Variants in GRIK4 observed in about 807,000 individuals in gnomAD.
GRIK4 encodes the protein glutamate ionotropic receptor kainate type subunit 4.
In GRIK4, 40 loss-of-function variants were observed where a neutral mutation model predicts 104.9. The observed-to-expected ratio is 0.38, with a 90% CI of 0.30 to 0.50. The LOEUF is 0.50. Among genes scored for constraint, GRIK4 ranks in the 20% least tolerant of loss-of-function variants. The pLI, the probability that GRIK4 is intolerant of heterozygous loss-of-function variation, is 0.93. For missense variants in GRIK4, 1,047 were observed against 1,308.1 expected (o/e 0.80, Z 3.08); for synonymous variants, 485 against 524.9 (o/e 0.92, Z 1.04).
intron 1 of GRIK4, among the ~76,000 whole-genome samples, chr11:120,532,222 C>G: frequency 6.6e-6 from 1 of 152,168 alleles, no homozygotes; most frequent in East Asian, 1.9e-4. Context: ...CCCAAAGTGA[C>G]CTGGACTCGC....
chr11:120,519,874 TTTTTTG>T (rs979857902), intron 1 of GRIK4, among the ~76,000 whole-genome samples: 12 of 104,164 alleles, frequency 1.2e-4, no homozygotes, highest in South Asian at 7.4e-4. Flanking sequence ...GGTTTTTTTT[TTTTTTG>T]TTTTTTTTTT....
intron 1 of GRIK4, among the ~76,000 whole-genome samples, chr11:120,532,625 G>A (rs1021318085): frequency 3.4e-4 from 51 of 152,186 alleles, no homozygotes; most frequent in African/African-American, 1.1e-3. Flanking sequence ...CCCCTACCCC[G>A]CAAACCTTGG....
chr11:120,603,003 A>C (rs563557488), intron 1 of GRIK4, among the ~76,000 whole-genome samples: 1 of 152,302 alleles, frequency 6.6e-6, no homozygotes, highest in Non-Finnish European at 1.5e-5. Flanking sequence ...ATACCCGGCC[A>C]GTGTCTTATT....
intron 1 of GRIK4, among the ~76,000 whole-genome samples, chr11:120,587,771 A>G (rs1948686494): frequency 6.6e-6 from 1 of 152,198 alleles, no homozygotes; most frequent in Non-Finnish European, 1.5e-5. Flanking sequence ...CTACCTGGCC[A>G]GGTACCAGTC....
At chr11:120,914,121 A>G (rs1316493639) in intron 13 of GRIK4, among the ~76,000 whole-genome samples, 7 of 152,198 alleles carry the variant, frequency 4.6e-5, no homozygotes, top group Non-Finnish European at 8.8e-5. Flanking sequence ...TTATAATTCA[A>G]CCATTCATTC....
chr11:120,905,157 C>T lies in GRIK4; in HGVS notation c.1273-133C>T, dbSNP rs1942837535. Reference sequence around the variant, plus strand: ...GGAGCTGGTCATCACCCCAAAGTAGCCCATTACCCACGTCAGTTTCCTCCT... The same window carrying T: ...GGAGCTGGTCATCACCCCAAAGTAGTCCATTACCCACGTCAGTTTCCTCCT... On this transcript the variant is annotated intron_variant, in intron 12 of 20. Coordinates refer to ENST00000527524, the MANE Select transcript of GRIK4 (RefSeq NM_014619.5). The surrounding 1 kb of genome is among the most constrained non-coding windows in gnomAD (Gnocchi z 5.1). The T allele has an allele frequency of 2.8e-6, 2 of 721,152 alleles. No individual in the cohort carries two copies. Among genetic ancestry groups the T allele is most frequent in the Non-Finnish European group, 5.0e-6 (2 of 397,514 alleles). The allele number at this position is 721,152 out of a possible 1,614,324, so 44.7% of individuals were successfully genotyped here.
At chr11:120,654,202 A>G (rs1949663888) in intron 2 of GRIK4, among the ~76,000 whole-genome samples, 1 of 152,206 alleles carries the variant, frequency 6.6e-6, no homozygotes, top group Non-Finnish European at 1.5e-5. Flanking sequence ...ATGGTTAGAC[A>G]CATACTTCAA....
intron 1 of GRIK4, among the ~76,000 whole-genome samples, chr11:120,560,249 A>G (rs905728295): frequency 2.6e-5 from 4 of 151,946 alleles, no homozygotes; most frequent in Non-Finnish European, 5.9e-5. Flanking sequence ...ATGGTGTTTC[A>G]CCATGTTGGC....
intron 14 of GRIK4, among the ~76,000 whole-genome samples, chr11:120,947,722 G>T (rs929169960): frequency 1.3e-5 from 2 of 152,192 alleles, no homozygotes; most frequent in Non-Finnish European, 1.5e-5. Flanking sequence ...AGCTCAAGGT[G>T]TGTTAACATT....
At chr11:120,782,030 G>T (rs891526337) in intron 3 of GRIK4, among the ~76,000 whole-genome samples, 2 of 152,064 alleles carry the variant, frequency 1.3e-5, no homozygotes, top group Non-Finnish European at 2.9e-5. Context: ...GATTCAGGTC[G>T]CAGCTCAGGT....
intron 3 of GRIK4, among the ~76,000 whole-genome samples, chr11:120,703,748 A>G (rs975478389): frequency 2.0e-5 from 3 of 152,066 alleles, no homozygotes; most frequent in South Asian, 2.1e-4. Flanking sequence ...GATTGTACCT[A>G]TTATTACCAT....
At chr11:120,535,171 G>A (rs1591679991) in intron 1 of GRIK4, among the ~76,000 whole-genome samples, 1 of 152,114 alleles carries the variant, frequency 6.6e-6, no homozygotes, top group Non-Finnish European at 1.5e-5. Flanking sequence ...CCACTCTTGT[G>A]AGCCTGTCTG....
At chr11:120,629,778 G>A (rs1019363010) in intron 1 of GRIK4, among the ~76,000 whole-genome samples, 3 of 152,208 alleles carry the variant, frequency 2.0e-5, no homozygotes, top group Non-Finnish European at 4.4e-5. Flanking sequence ...CATGCTGGGC[G>A]GCTGGGGAGT....
At chr11:120,613,850 G>A (rs1218683288) in intron 1 of GRIK4, among the ~76,000 whole-genome samples, 1 of 152,206 alleles carries the variant, frequency 6.6e-6, no homozygotes, top group Non-Finnish European at 1.5e-5. Context: ...GGGTGCTGAG[G>A]CATTTAAAAA....
Position 120,898,534 on chromosome 11 carries a change from C to T in GRIK4, c.1167C>T (p.Ile389=), listed in dbSNP as rs748528917. The change falls in exon 12 of 21, where the codon ATC becomes ATT. Residue 389 remains isoleucine (I), a splice_region_variant and synonymous_variant. Transcript: ENST00000527524. Reference sequence around the variant, plus strand: ...GTCCTCTCCGTTGGTCTCCTCAGATCGGCCAGTGGCACGTGGCAGAGGGCC... The same window carrying T: ...GTCCTCTCCGTTGGTCTCCTCAGATTGGCCAGTGGCACGTGGCAGAGGGCC... The part of the protein sequence containing the change: ...LQFTRNGFRQ[I]GQWHVAEGLS... The T allele has an allele frequency of 2.3e-5, 36 of 1,581,056 alleles. No individual in the cohort carries two copies. The highest frequency in any genetic ancestry group is 4.4e-5 in the South Asian group (4 of 90,438).
At chr11:120,576,255 T>C (rs543583881) in intron 1 of GRIK4, 1 of 152,342 alleles carries the variant, frequency 6.6e-6, no homozygotes, top group South Asian at 2.1e-4. Flanking sequence ...ACTCCTATTA[T>C]TTCAGGGAGA....
intron 1 of GRIK4, among the ~76,000 whole-genome samples, chr11:120,540,529 G>A (rs1175015257): frequency 6.6e-6 from 1 of 152,054 alleles, no homozygotes; most frequent in Non-Finnish European, 1.5e-5. Flanking sequence ...CAGGAGAATC[G>A]CTTGAACCCA....
At chr11:120,948,149 C>T (rs972662917) in intron 14 of GRIK4, among the ~76,000 whole-genome samples, 3 of 152,170 alleles carry the variant, frequency 2.0e-5, no homozygotes, top group Non-Finnish European at 2.9e-5. Flanking sequence ...CTGCCTCTCC[C>T]AGAAGGAGTC....
intron 3 of GRIK4, among the ~76,000 whole-genome samples, chr11:120,773,366 A>T (rs1951982798): frequency 1.3e-5 from 2 of 152,214 alleles, no homozygotes; most frequent in East Asian, 1.9e-4. Flanking sequence ...TAATATGAAA[A>T]CTCCTCTTCT....
Sources: allele counts gnomAD v4.1 joint callset (sites outside exome capture counted in the v4.1 genomes callset), GRCh38; gene constraint gnomAD v4.1.1; non-coding constraint Gnocchi (gnomAD v3.1); transcripts MANE v1.5; gene names NCBI Gene and HGNC (gene_info 2026-07-23, HGNC 2026-07-21).